THEMIS: variants seen among roughly 807,000 people sequenced by gnomAD.
THEMIS encodes the protein protein THEMIS.
In THEMIS, 37 loss-of-function variants were observed where a neutral mutation model predicts 52.6. The ratio of observed to expected loss-of-function variants is 0.70; its 90% CI spans 0.54 to 0.93. The LOEUF is 0.93. THEMIS is among the 40% of genes least tolerant of loss of function. The pLI is 0.00. For missense variants in THEMIS, 808 were observed against 763.1 expected, an observed-to-expected ratio of 1.06 and a Z score of -0.69; for synonymous variants, 292 against 272.7, an observed-to-expected ratio of 1.07 and a Z score of -0.70.
Position 127,804,226 on chromosome 6 carries a change from C to T in THEMIS, c.1758+8657G>A, listed in dbSNP as rs577241425. Among the ~76,000 whole-genome samples the T allele has an allele frequency of 5.9e-5, 9 of 152,188 alleles. 1 individual carries two copies. The South Asian group carries it at 1.5e-3, about 25-fold the overall frequency. On this transcript the variant is annotated intron_variant, in intron 4 of 5. Transcript: ENST00000368248. ...TACAACCACTACAGTATAAAGAAAT[C>T]AGGAAGGCATAATATTGCAGAATTC...
upstream of THEMIS, among the ~76,000 whole-genome samples, chr6:127,904,892 A>G (rs1372098402): frequency 1.3e-5 from 2 of 152,044 alleles, no homozygotes; most frequent in Non-Finnish European, 2.9e-5. Context: ...ACATACAGTA[A>G]GAGAGGATTG....
intron 4 of THEMIS, among the ~76,000 whole-genome samples, chr6:127,785,249 T>TATCTATCTATCA (rs1554223981): frequency 7.4e-6 from 1 of 135,562 alleles, no homozygotes; most frequent in Admixed American, 7.3e-5. Flanking sequence ...TCTATCTATC[T>TATCTATCTATCA]ATCATCTATC....
intron 1 of THEMIS, among the ~76,000 whole-genome samples, chr6:127,892,338 C>T (rs908083898): frequency 6.6e-6 from 1 of 152,154 alleles, no homozygotes; most frequent in South Asian, 2.1e-4. Flanking sequence ...CAGGTCCCTG[C>T]TCAAATTTCA....
intron 4 of THEMIS, among the ~76,000 whole-genome samples, chr6:127,730,589 A>G (rs1774758998): frequency 6.6e-6 from 1 of 152,176 alleles, no homozygotes; most frequent in African/African-American, 2.4e-5. Context: ...TTTATTATTG[A>G]GTTTAAAATT....
At chr6:127,904,727 C>T (rs2114515075), upstream of THEMIS, among the ~76,000 whole-genome samples, 1 of 152,044 alleles carries the variant, frequency 6.6e-6, no homozygotes, top group South Asian at 2.1e-4. Flanking sequence ...ATTAGTCCTG[C>T]AATTTAAGAT....
intron 3 of THEMIS, among the ~76,000 whole-genome samples, chr6:127,816,016 T>C (rs1241030576): frequency 6.6e-6 from 1 of 152,196 alleles, no homozygotes; most frequent in African/African-American, 2.4e-5. Context: ...CTTAAATTTT[T>C]TGTATTCAAT....
At chr6:127,907,820 G>A (rs550138035) in intron 1 of THEMIS, among the ~76,000 whole-genome samples, 1 of 130,884 alleles carries the variant, frequency 7.6e-6, no homozygotes, top group South Asian at 2.6e-4. Flanking sequence ...CCAACCATAT[G>A]TACATTCTTC....
In THEMIS at chr6:127,812,867, A is replaced by C; in HGVS notation, c.1758+16T>G. ...GAACACACTCCAGAGAAAACATTGC[A>C]AAACCATAGCCTTACCTTGGGAGAC... On this transcript the variant is annotated intron_variant, in intron 4 of 5. Transcript: ENST00000368248. The C allele has an allele frequency of 6.4e-7, 1 of 1,552,810 alleles. No homozygotes were observed. The highest frequency in any genetic ancestry group is 8.7e-7 in the Non-Finnish European group (1 of 1,150,706).
chr6:127,802,738 T>C (rs1232282267), intron 4 of THEMIS, among the ~76,000 whole-genome samples: 1 of 152,198 alleles, frequency 6.6e-6, no homozygotes, highest in Non-Finnish European at 1.5e-5. Flanking sequence ...AGGCCAGGAC[T>C]CCTTGTGGAA....
intron 1 of THEMIS, among the ~76,000 whole-genome samples, chr6:127,886,557 C>T (rs901660802): frequency 3.3e-5 from 5 of 152,050 alleles, no homozygotes; most frequent in African/African-American, 1.2e-4. Context: ...GGTCCTGGAC[C>T]ACACTGTATA....
At chr6:127,718,670 G>T (rs974061092) in intron 5 of THEMIS, among the ~76,000 whole-genome samples, 2 of 151,972 alleles carry the variant, frequency 1.3e-5, no homozygotes, top group African/African-American at 4.8e-5. Flanking sequence ...TTTCACTGCA[G>T]TGGTTGTTTC....
chr6:127,747,104 A>G (rs9385438), intron 4 of THEMIS, among the ~76,000 whole-genome samples: 398 of 3,230 alleles, frequency 0.12, 8 homozygotes, highest in East Asian at 0.37. Flanking sequence ...ATATATAATT[A>G]TATATAGATA....
chr6:127,902,093 G>A (rs745771613), upstream of THEMIS, among the ~76,000 whole-genome samples: 17 of 151,956 alleles, frequency 1.1e-4, no homozygotes, highest in African/African-American at 1.9e-4. Flanking sequence ...AGGAGGCTGA[G>A]GTAGGAGAAT....
chr6:127,839,103 G>A (rs961107240), intron 2 of THEMIS, among the ~76,000 whole-genome samples: 2 of 151,920 alleles, frequency 1.3e-5, no homozygotes, highest in Non-Finnish European at 2.9e-5. Context: ...ACTCTCTCAA[G>A]AGGCAACATA....
chr6:127,731,746 A>G (rs1392461355), intron 4 of THEMIS, among the ~76,000 whole-genome samples: 4 of 130,142 alleles, frequency 3.1e-5, no homozygotes, highest in Non-Finnish European at 6.2e-5. Flanking sequence ...CGCCCAGGCT[A>G]GAGTGCAGCG....
chr6:127,866,307 A>G (rs2114359046), intron 1 of THEMIS, among the ~76,000 whole-genome samples: 1 of 152,152 alleles, frequency 6.6e-6, no homozygotes, highest in Non-Finnish European at 1.5e-5. Flanking sequence ...CTAGCTACAT[A>G]TAGTGTCTAT....
At chr6:127,752,156 CA>C (rs1349326615) in intron 4 of THEMIS, among the ~76,000 whole-genome samples, 1 of 151,430 alleles carries the variant, frequency 6.6e-6, no homozygotes, top group Non-Finnish European at 1.5e-5. Flanking sequence ...TAGGATGCAG[CA>C]AAAGCCATTC....
At chr6:127,787,919 A>AG (rs748916182) in intron 4 of THEMIS, among the ~76,000 whole-genome samples, 24,168 of 146,040 alleles carry the variant, frequency 0.17, 2,879 homozygotes, top group Non-Finnish European at 0.24. Flanking sequence ...ATAGATAGAT[A>AG]AATAGATGCT....
intron 1 of THEMIS, among the ~76,000 whole-genome samples, chr6:127,872,230 T>A (rs1008761113): frequency 6.6e-6 from 1 of 152,154 alleles, no homozygotes; most frequent in African/African-American, 2.4e-5. Flanking sequence ...TCATTTCAGT[T>A]GATGCAGAAA....
Sources: gnomAD v4.1 joint callset for allele counts (sites outside exome capture counted in the v4.1 genomes callset) on GRCh38, gnomAD v4.1.1 for gene constraint, MANE v1.5 for transcripts, NCBI Gene and HGNC (gene_info 2026-07-23, HGNC 2026-07-21) for gene names.